The following MAP3K2 variants were observed in gnomAD, a reference collection of about 807,000 sequenced individuals.
MAP3K2 encodes MAP/ERK kinase kinase 2.
MAP3K2 carries 24 observed loss-of-function variants against 80.3 expected under a neutral mutation model. That is an observed-to-expected ratio of 0.30 (90% CI 0.22 to 0.42). The LOEUF (loss-of-function observed/expected upper bound fraction) is 0.42, where lower values mean the gene tolerates loss of function less well. Ranked by LOEUF, MAP3K2 falls within the 10% of genes least tolerant of loss-of-function variation. MAP3K2 has a pLI of 1.00. For missense variants in MAP3K2, 608 were observed against 750.1 expected (o/e 0.81, Z 2.21); for synonymous variants, 244 against 253.7 (o/e 0.96, Z 0.36).
chr2:127,373,829 T>G (rs541814569), intron 1 of MAP3K2, among the ~76,000 whole-genome samples: 1 of 152,182 alleles, frequency 6.6e-6, no homozygotes, highest in Non-Finnish European at 1.5e-5. Flanking sequence ...TGCTAGGTTA[T>G]GACCCTGATA....
intron 4 of MAP3K2, among the ~76,000 whole-genome samples, chr2:127,337,127 G>GT (rs1302681311): frequency 6.6e-6 from 1 of 151,744 alleles, no homozygotes; most frequent in Non-Finnish European, 1.5e-5. Flanking sequence ...GGGCGACAGA[G>GT]TAAGACTCCA....
intron 1 of MAP3K2, among the ~76,000 whole-genome samples, chr2:127,383,083 G>C (rs956323421): frequency 6.6e-6 from 1 of 152,188 alleles, no homozygotes; most frequent in Non-Finnish European, 1.5e-5. Context: ...AAGTGAGAGA[G>C]TGGAGAGATG....
intron 1 of MAP3K2, among the ~76,000 whole-genome samples, chr2:127,370,485 C>A (rs73953604): frequency 2.6e-5 from 4 of 152,164 alleles, no homozygotes; most frequent in African/African-American, 9.7e-5. Flanking sequence ...TTTCCAAGTT[C>A]GAGGGAATTG....
At position 127,310,096 on chromosome 2, in the gene MAP3K2, T is replaced by C. The variant is rs1256417138; in HGVS notation, c.1457-1334A>G. 6.6e-6 allele frequency among the ~76,000 whole-genome samples: 1 copy of C among 152,232 alleles called. No homozygotes were observed. Among genetic ancestry groups the C allele is most frequent in the Admixed American group, 6.5e-5 (1 of 15,288 alleles). On this transcript the variant is annotated intron_variant, in intron 15 of 16. Coordinates refer to ENST00000682094, the MANE Select transcript of MAP3K2 (RefSeq NM_001371910.2). The surrounding 1 kb of genome is among the most constrained non-coding windows in gnomAD (Gnocchi z 4.8). ...ATCACTATGAACATGGATATTTGTTTTATACACTGGGTTATAATCCAGTAC... is the reference window on the plus strand; with the variant it reads ...ATCACTATGAACATGGATATTTGTTCTATACACTGGGTTATAATCCAGTAC...
intron 1 of MAP3K2, among the ~76,000 whole-genome samples, chr2:127,352,787 G>A (rs924047363): frequency 1.5e-4 from 22 of 151,674 alleles, no homozygotes; most frequent in Middle Eastern, 3.4e-3. Context: ...TCGGCTCACT[G>A]CAACCTCCCT....
chr2:127,321,921 A>G lies in MAP3K2; in HGVS notation c.1045+125T>C. The G allele has an allele frequency of 1.3e-6, 1 of 757,632 alleles. No individual in the cohort carries two copies. The highest frequency in any genetic ancestry group is 1.8e-5 in the South Asian group (1 of 56,716). 46.9% of individuals were successfully genotyped at this position (757,632 alleles called of 1,614,324 possible). A position where few individuals can be genotyped will look rare whatever the true frequency, so the allele number is the denominator to read the frequency against. ...CATTCCAACCACCTTTAGAAACACC[A>G]TTATTACCTTTTTTGAGTAGTTCAT... On this transcript the variant is annotated intron_variant, in intron 12 of 16. Coordinates refer to ENST00000682094, the MANE Select transcript of MAP3K2 (RefSeq NM_001371910.2). The surrounding 1 kb of genome is among the most constrained non-coding windows in gnomAD (Gnocchi z 4.4).
Position 127,339,184 on chromosome 2 carries a change from C to T in MAP3K2, c.5-134G>A. 1 of 596,640 alleles carries T rather than the reference C, an allele frequency of 1.7e-6. No individual in the cohort carries two copies. The highest frequency in any genetic ancestry group is 2.9e-5 in the East Asian group (1 of 34,902). 37.0% of individuals were successfully genotyped at this position (596,640 alleles called of 1,614,324 possible). ...TATTAATGCAAAAATGCATCTAGAA[C>T]ATTTTTAATGCCTACACTTTTGGTA... On this transcript the variant is annotated intron_variant, in intron 2 of 16. Transcript: ENST00000682094. This position sits in a 1 kb window ranked among gnomAD's most constrained non-coding sequence, Gnocchi z 4.2.
At chr2:127,388,070 G>A (rs907219823), upstream of MAP3K2, 34 of 983,936 alleles carry the variant, frequency 3.5e-5, no homozygotes, top group Non-Finnish European at 4.0e-5. Context: ...CGCGCGCCCG[G>A]CCCAGGGGAG....
chr2:127,338,972 T>C lies in MAP3K2; in HGVS notation c.83A>G (p.Gln28Arg). The change falls in exon 3 of 17, where the codon CAG (glutamine) becomes CGG (arginine). Residue 28 changes from glutamine to arginine, a missense_variant. Transcript: ENST00000682094. ...HKASRPALSL[Q>R]ETRKAKSSSP... is the part of the protein sequence containing the mutation. ...TGAAGATTTTGCTTTTCTGGTTTCCTGCAAGGATAATGCTGGTCGACTGGC... is the reference window on the plus strand; with the variant it reads ...TGAAGATTTTGCTTTTCTGGTTTCCCGCAAGGATAATGCTGGTCGACTGGC... The C allele has an allele frequency of 1.2e-6, 2 of 1,612,176 alleles. No homozygotes were observed. The highest frequency in any genetic ancestry group is 1.7e-6 in the Non-Finnish European group (2 of 1,179,200).
rs371383548 is a variant in MAP3K2 at position 127,300,477 on chromosome 2, T to C, written c.*7102A>G. The stretch of plus-strand genomic sequence containing the variant: ...AAATTTACAAATTGATAATCATAGT[T>C]TGCAACAATTCAAAGTTTATTCTCA... On this transcript the variant is annotated 3_prime_UTR_variant, in exon 17 of 17. Transcript: ENST00000682094. 2.0e-5 allele frequency: 3 copies of C among 152,264 alleles called. No homozygotes were observed. The highest frequency in any genetic ancestry group is 7.2e-5 in the African/African-American group (3 of 41,562). 9.4% of individuals were successfully genotyped at this position (152,264 alleles called of 1,614,324 possible).
chr2:127,332,989 G>T (rs527643222), intron 5 of MAP3K2, among the ~76,000 whole-genome samples: 12 of 151,874 alleles, frequency 7.9e-5, no homozygotes, highest in Non-Finnish European at 1.5e-4. Flanking sequence ...AATTAACAAG[G>T]TATGGTAGTG....
In MAP3K2 at chr2:127,340,640, G is replaced by A. The variant is rs577872133; in HGVS notation, c.5-1590C>T. 6.1e-5 allele frequency among the ~76,000 whole-genome samples: 9 copies of A among 148,694 alleles called. No homozygotes were observed. The Admixed American group carries it at 6.1e-4, about 10-fold the overall frequency. ...CCACTGCACTCCAGCCTGAGCAACA[G>A]AGCATGAATCTGTTTCCCAAAAGGA... On this transcript the variant is annotated intron_variant, in intron 2 of 16. Coordinates refer to ENST00000682094, the MANE Select transcript of MAP3K2 (RefSeq NM_001371910.2).
chr2:127,308,361 G>A (rs1402335026), intron 16 of MAP3K2, among the ~76,000 whole-genome samples: 4 of 152,154 alleles, frequency 2.6e-5, no homozygotes, highest in Non-Finnish European at 4.4e-5. Flanking sequence ...GTTTGCTCAC[G>A]ACAAAATCCT....
At chr2:127,331,319 T>C (rs568738445) in intron 5 of MAP3K2, among the ~76,000 whole-genome samples, 6 of 152,308 alleles carry the variant, frequency 3.9e-5, no homozygotes, top group African/African-American at 1.4e-4. Context: ...TCCATTTCAT[T>C]GAAGGAGGAA....
At chr2:127,382,741 G>C (rs1320915090) in intron 1 of MAP3K2, among the ~76,000 whole-genome samples, 1 of 152,202 alleles carries the variant, frequency 6.6e-6, no homozygotes, top group African/African-American at 2.4e-5. Flanking sequence ...GGTCAGGCTG[G>C]TCTTAAACTC....
intron 1 of MAP3K2, among the ~76,000 whole-genome samples, chr2:127,351,330 T>C (rs1012356739): frequency 6.6e-6 from 1 of 152,076 alleles, no homozygotes; most frequent in Non-Finnish European, 1.5e-5. Flanking sequence ...AACTAAAATA[T>C]TGTGGGGTGA....
intron 1 of MAP3K2, among the ~76,000 whole-genome samples, chr2:127,350,194 T>C (rs1686666552): frequency 6.6e-6 from 1 of 152,026 alleles, no homozygotes; most frequent in Non-Finnish European, 1.5e-5. Flanking sequence ...CATAAAGACT[T>C]ATGGGGACAT....
chr2:127,336,036 ACCT>A, intron 4 of MAP3K2, 67 bp from the exon 5 acceptor site: 1 of 914,728 alleles, frequency 1.1e-6, no homozygotes, highest in African/African-American at 1.7e-5. Context: ...TGCAAAAGTT[ACCT>A]CCTTTTAGAG....
At chr2:127,369,335 A>C (rs2104884935) in intron 1 of MAP3K2, among the ~76,000 whole-genome samples, 1 of 151,460 alleles carries the variant, frequency 6.6e-6, no homozygotes, top group South Asian at 2.1e-4. Context: ...GTATTATTAC[A>C]AAACAGCAAA....
Sources: allele counts gnomAD v4.1 joint callset (sites outside exome capture counted in the v4.1 genomes callset), GRCh38; gene constraint gnomAD v4.1.1; non-coding constraint Gnocchi (gnomAD v3.1); transcripts MANE v1.5; gene names NCBI Gene and HGNC (gene_info 2026-07-23, HGNC 2026-07-21).